Variants in GSTCD observed in about 807,000 individuals in gnomAD.
The protein encoded by GSTCD is glutathione S-transferase C-terminal domain-containing protein.
In GSTCD, 44 loss-of-function variants were observed where a neutral mutation model predicts 68.3. The observed-to-expected ratio is 0.64, with a 90% CI of 0.51 to 0.83. The LOEUF (loss-of-function observed/expected upper bound fraction) is 0.83, where lower values mean the gene tolerates loss of function less well. Among genes scored for constraint, GSTCD ranks in the 40% least tolerant of loss-of-function variants. The pLI is 0.00. For synonymous variants in GSTCD, 273 were observed against 255.2 expected (o/e 1.07, Z -0.67); for missense variants, 739 against 735.9 (o/e 1.00, Z -0.05).
chr4:105,715,475 G>A (rs1732655702), intron 1 of GSTCD, among the ~76,000 whole-genome samples: 1 of 151,914 alleles, frequency 6.6e-6, no homozygotes, highest in South Asian at 2.1e-4. Flanking sequence ...AATCTTTTAA[G>A]AAGTAACAAA....
chr4:105,712,257 G>A (rs541951538), intron 1 of GSTCD, among the ~76,000 whole-genome samples: 67 of 152,298 alleles, frequency 4.4e-4, no homozygotes, highest in African/African-American at 1.6e-3. Context: ...AGTCAGGAGA[G>A]GCTGTTCTGA....
At chr4:105,736,534 C>A (rs1209856311) in intron 5 of GSTCD, among the ~76,000 whole-genome samples, 2 of 151,898 alleles carry the variant, frequency 1.3e-5, no homozygotes, top group Non-Finnish European at 2.9e-5. Context: ...TACATGTATG[C>A]AATGCATAAT....
chr4:105,757,233 G>A (rs772488697), intron 5 of GSTCD, among the ~76,000 whole-genome samples: 9 of 152,094 alleles, frequency 5.9e-5, no homozygotes, highest in Non-Finnish European at 1.3e-4. Flanking sequence ...TGGAGTCATT[G>A]CTTATGAGGC....
At chr4:105,731,818 T>G (rs909417466) in intron 5 of GSTCD, among the ~76,000 whole-genome samples, 3 of 152,246 alleles carry the variant, frequency 2.0e-5, no homozygotes, top group African/African-American at 7.2e-5. Flanking sequence ...AGTATGATAT[T>G]GGCTGTGGGT....
rs1180431077 is a variant in GSTCD, at chr4:105,825,674, T to C, written c.1404T>C (p.Val468=). The stretch of plus-strand genomic sequence containing the variant: ...ATTGTTTTCTGGGTAAAATCTAGGT[T>C]ACATTAATAGAAAACAAGGAATTAT... ...VLAHMLPSCQ[V]TLIENKELSL... Residue 468 remains valine (V), a splice_region_variant and synonymous_variant, in exon 8 of 12, where the codon GTT becomes GTC. Transcript: ENST00000515279. 1 of 1,472,556 alleles carries C rather than the reference T, an allele frequency of 6.8e-7. No homozygotes were observed. Among genetic ancestry groups the C allele is most frequent in the Admixed American group, 1.7e-5 (1 of 58,854 alleles). 91.2% of individuals were successfully genotyped at this position (1,472,556 alleles called of 1,614,324 possible). A position where few individuals can be genotyped will look rare whatever the true frequency, so the allele number is the denominator to read the frequency against.
chr4:105,833,053 A>G (rs1243451615), intron 8 of GSTCD, among the ~76,000 whole-genome samples: 1 of 152,320 alleles, frequency 6.6e-6, no homozygotes, highest in South Asian at 2.1e-4. Flanking sequence ...TAAGTCTAGA[A>G]GGAGGAGGAG....
At chr4:105,718,599 C>G (rs1451426424) in intron 2 of GSTCD, among the ~76,000 whole-genome samples, 1 of 152,008 alleles carries the variant, frequency 6.6e-6, no homozygotes, top group African/African-American at 2.4e-5. Context: ...GCTAATATAC[C>G]CTTTACGTGT....
intron 5 of GSTCD, among the ~76,000 whole-genome samples, chr4:105,746,040 A>G (rs890138125): frequency 5.9e-5 from 9 of 152,090 alleles, no homozygotes; most frequent in African/African-American, 1.9e-4. Context: ...TTAGAGTACA[A>G]TTGACCCTTG....
At chr4:105,781,469 C>T (rs1011475442) in intron 5 of GSTCD, among the ~76,000 whole-genome samples, 1 of 151,122 alleles carries the variant, frequency 6.6e-6, no homozygotes, top group Non-Finnish European at 1.5e-5. Flanking sequence ...ATTGCCCAGG[C>T]TGGTCTCGAA....
intron 5 of GSTCD, among the ~76,000 whole-genome samples, chr4:105,756,552 ATATG>A (rs1734201949): frequency 7.9e-6 from 1 of 127,338 alleles, no homozygotes; most frequent in African/African-American, 2.7e-5. Context: ...ACGCATACAT[ATATG>A]TATATATATG....
intron 5 of GSTCD, among the ~76,000 whole-genome samples, chr4:105,739,067 G>C (rs989014313): frequency 1.3e-5 from 2 of 152,208 alleles, no homozygotes; most frequent in African/African-American, 4.8e-5. Context: ...TTTATCAACT[G>C]CATTTTGTGT....
chr4:105,816,435 G>A (rs935539052), intron 5 of GSTCD, among the ~76,000 whole-genome samples: 9 of 152,132 alleles, frequency 5.9e-5, no homozygotes, highest in African/African-American at 2.2e-4. Flanking sequence ...GAGACCCAAA[G>A]GTCAGTTCAT....
intron 5 of GSTCD, among the ~76,000 whole-genome samples, chr4:105,810,078 T>G (rs1176899761): frequency 6.6e-6 from 1 of 152,080 alleles, no homozygotes; most frequent in African/African-American, 2.4e-5. Context: ...AAAGTATTTA[T>G]TTTACTGCCC....
chr4:105,770,617 G>T (rs1159652538), intron 5 of GSTCD, among the ~76,000 whole-genome samples: 1 of 152,132 alleles, frequency 6.6e-6, no homozygotes, highest in East Asian at 1.9e-4. Context: ...GTGAGAATAT[G>T]CAGTGTTTGG....
chr4:105,769,131 TAATC>T (rs1216729493), intron 5 of GSTCD, among the ~76,000 whole-genome samples: 1 of 152,032 alleles, frequency 6.6e-6, no homozygotes, highest in African/African-American at 2.4e-5. Flanking sequence ...TACTGACTAA[TAATC>T]CACTTACAAA....
Position 105,776,117 on chromosome 4 carries a change from A to C in GSTCD, c.1240+46618A>C, listed in dbSNP as rs1426141928. ...ACTTCGGTGGGCTACGCCCAGTTCT[A>C]ACTTCCTGGTGGCTTTGTTTATACT... is the stretch of plus-strand genomic sequence containing the variant. On this transcript the variant is annotated intron_variant, in intron 5 of 11. Coordinates refer to ENST00000515279, the MANE Select transcript of GSTCD (RefSeq NM_001370181.1). 3.3e-5 allele frequency among the ~76,000 whole-genome samples: 5 copies of C among 152,168 alleles called. No individual in the cohort carries two copies. The South Asian group carries it at 1.0e-3, about 32-fold the overall frequency.
chr4:105,750,073 A>G (rs1430706239), intron 5 of GSTCD, among the ~76,000 whole-genome samples: 1 of 152,196 alleles, frequency 6.6e-6, no homozygotes, highest in Admixed American at 6.5e-5. Flanking sequence ...CATATATGAA[A>G]ATTTCTTCTA....
At chr4:105,769,587 G>C (rs1734762577) in intron 5 of GSTCD, among the ~76,000 whole-genome samples, 1 of 151,888 alleles carries the variant, frequency 6.6e-6, no homozygotes, top group Non-Finnish European at 1.5e-5. Flanking sequence ...TCTCTTCCTA[G>C]AATCTCCAGA....
chr4:105,718,576 G>A (rs1238132802), intron 2 of GSTCD, among the ~76,000 whole-genome samples: 2 of 152,074 alleles, frequency 1.3e-5, no homozygotes, highest in African/African-American at 2.4e-5. Flanking sequence ...TTCCTTTACA[G>A]CAATGCAAAT....
Sources: gnomAD v4.1 joint callset for allele counts (sites outside exome capture counted in the v4.1 genomes callset) on GRCh38, gnomAD v4.1.1 for gene constraint, MANE v1.5 for transcripts, NCBI Gene and HGNC (gene_info 2026-07-23, HGNC 2026-07-21) for gene names.